The following MBL2 variants were observed in gnomAD, a reference collection of about 807,000 sequenced individuals.
MBL2 encodes mannose binding lectin 2.
In MBL2, 6 loss-of-function variants were observed where a neutral mutation model predicts 12.7. That is an observed-to-expected ratio of 0.47 (90% CI 0.26 to 0.94). The LOEUF (loss-of-function observed/expected upper bound fraction) is 0.94, where lower values mean the gene tolerates loss of function less well. MBL2 is among the 40% of genes least tolerant of loss of function. MBL2 has a pLI of 0.15. For missense variants in MBL2, 307 were observed against 295.2 expected (o/e 1.04, Z -0.29); for synonymous variants, 114 against 112.0 (o/e 1.02, Z -0.11).
At chr10:52,771,929 G>T (rs72661130) in intron 1 of MBL2, among the ~76,000 whole-genome samples, 46 of 152,284 alleles carry the variant, frequency 3.0e-4, no homozygotes, top group Admixed American at 1.9e-3. Flanking sequence ...GCTTTCGGTG[G>T]CAGTGAGAAC....
intron 2 of MBL2, 69 bp from the exon 3 acceptor site, chr10:52,770,855 C>G (rs1840380109): frequency 1.2e-6 from 1 of 836,118 alleles, no homozygotes; most frequent in Admixed American, 3.0e-5. Context: ...GAGTTTGATG[C>G]CCAATCCCTT....
chr10:52,769,035 C>T (rs538681654), intron 4 of MBL2, among the ~76,000 whole-genome samples: 10 of 152,088 alleles, frequency 6.6e-5, no homozygotes, highest in African/African-American at 2.4e-4. Context: ...ATCTATAAAC[C>T]ACCCCTGCCA....
In MBL2 at chr10:52,766,627, A is replaced by G. The variant is rs1840308587; in HGVS notation, c.*1510T>C. On this transcript the variant is annotated 3_prime_UTR_variant, in exon 5 of 5. Transcript: ENST00000674931. ...TGGGATGGGCAAAAATTTCTTAAAC[A>G]TGACACAAAAAGCACTAATTTTGAA... 6.6e-6 allele frequency: 1 copy of G among 152,162 alleles called. No individual in the cohort carries two copies. The allele number at this position is 152,162 out of a possible 1,614,324, so 9.4% of individuals were successfully genotyped here. A position where few individuals can be genotyped will look rare whatever the true frequency, so the allele number is the denominator to read the frequency against.
chr10:52,765,801 A>C lies in MBL2; in HGVS notation c.*2336T>G, dbSNP rs1429168516. 1 of 152,158 alleles carries C rather than the reference A, an allele frequency of 6.6e-6. No individual in the cohort carries two copies. Among genetic ancestry groups the C allele is most frequent in the African/African-American group, 2.4e-5 (1 of 41,448 alleles). The allele number at this position is 152,158 out of a possible 1,614,324, so 9.4% of individuals were successfully genotyped here. A position where few individuals can be genotyped will look rare whatever the true frequency, so the allele number is the denominator to read the frequency against. ...TAACCAGTGCAATAAGGTAAGAAAA[A>C]AGGTAAAGCAATTGGGAAGAAGCAA... On this transcript the variant is annotated 3_prime_UTR_variant, in exon 5 of 5. Coordinates refer to ENST00000674931, the MANE Select transcript of MBL2 (RefSeq NM_001378373.1).
chr10:52,769,305 ACTATCACCAT>A lies in MBL2; in HGVS notation c.305_314del (p.Asp102ValfsTer36). 6.2e-7 allele frequency: 1 copy of A among 1,609,940 alleles called. No individual in the cohort carries two copies. Among genetic ancestry groups the A allele is most frequent in the African/African-American group, 1.3e-5 (1 of 74,426 alleles). ...CTTTTCTTTCTGAGGCAGCCAGGCTACTATCACCATCTAGAAAATTAGAACAAAGTAAAGA... is the reference window on the plus strand; with the variant it reads ...CTTTTCTTTCTGAGGCAGCCAGGCTACTAGAAAATTAGAACAAAGTAAAGA... On this transcript the variant is annotated frameshift_variant and splice_region_variant, in exon 4 of 5. Transcript: ENST00000674931. LOFTEE classifies it high-confidence loss of function.
rs1238605892 is a variant in MBL2 at position 52,767,502 on chromosome 10, G to T, written c.*635C>A. On this transcript the variant is annotated 3_prime_UTR_variant, in exon 5 of 5. Transcript: ENST00000674931. Reference sequence around the variant, plus strand: ...TTAGTACTAGGAGGAGTTATAACGGGGCTTCTAGGGAGTCAAAAATGTCCC... The same window carrying T: ...TTAGTACTAGGAGGAGTTATAACGGTGCTTCTAGGGAGTCAAAAATGTCCC... 6.6e-6 allele frequency: 1 copy of T among 151,850 alleles called. No homozygotes were observed. The highest frequency in any genetic ancestry group is 1.5e-5 in the Non-Finnish European group (1 of 68,006). 9.4% of individuals were successfully genotyped at this position (151,850 alleles called of 1,614,324 possible).
intron 3 of MBL2, among the ~76,000 whole-genome samples, chr10:52,769,776 T>C (rs1840363726): frequency 6.6e-6 from 1 of 152,212 alleles, no homozygotes; most frequent in South Asian, 2.1e-4. Flanking sequence ...TTTTTCCAGG[T>C]TTGTTCTGTT....
chr10:52,766,383 A>G lies in MBL2; in HGVS notation c.*1754T>C, dbSNP rs1840304603. On this transcript the variant is annotated 3_prime_UTR_variant, in exon 5 of 5. Coordinates refer to ENST00000674931, the MANE Select transcript of MBL2 (RefSeq NM_001378373.1). ...AGCCCAGAAACAGACACACACACATACAGTTACCTAACTTACAAAAATGCA... is the reference window on the plus strand; with the variant it reads ...AGCCCAGAAACAGACACACACACATGCAGTTACCTAACTTACAAAAATGCA... 1 of 152,180 alleles carries G rather than the reference A, an allele frequency of 6.6e-6. No individual in the cohort carries two copies. Among genetic ancestry groups the G allele is most frequent in the Non-Finnish European group, 1.5e-5 (1 of 68,034 alleles). The allele number at this position is 152,180 out of a possible 1,614,324, so 9.4% of individuals were successfully genotyped here. A position where few individuals can be genotyped will look rare whatever the true frequency, so the allele number is the denominator to read the frequency against.
intron 1 of MBL2, 90 bp from the exon 2 acceptor site, chr10:52,771,734 G>A (rs1564436810): frequency 3.4e-6 from 5 of 1,474,608 alleles, no homozygotes; most frequent in South Asian, 1.4e-5. Flanking sequence ...CTGGGTGCAG[G>A]CTATATAGAA....
chr10:52,768,113 G>A lies in MBL2; in HGVS notation c.*24C>T. The A allele has an allele frequency of 6.4e-7, 1 of 1,564,598 alleles. No homozygotes were observed. The highest frequency in any genetic ancestry group is 8.7e-7 in the Non-Finnish European group (1 of 1,155,202). On this transcript the variant is annotated 3_prime_UTR_variant, in exon 5 of 5. Coordinates refer to ENST00000674931, the MANE Select transcript of MBL2 (RefSeq NM_001378373.1). ...CCTGTGGGTTGCAGTAAAAAGACAAGGAGGGCCTGAGTGATATGACCCTTC... is the reference window on the plus strand; with the variant it reads ...CCTGTGGGTTGCAGTAAAAAGACAAAGAGGGCCTGAGTGATATGACCCTTC...
At chr10:52,770,007 G>C (rs1197604268) in intron 3 of MBL2, among the ~76,000 whole-genome samples, 1 of 152,210 alleles carries the variant, frequency 6.6e-6, no homozygotes, top group East Asian at 1.9e-4. Flanking sequence ...GAGTCTTCAA[G>C]AAGCCTAAAG....
At position 52,771,543 on chromosome 10, in the gene MBL2, G is replaced by A; in HGVS notation, c.93C>T (p.Thr31=). The A allele has an allele frequency of 6.2e-7, 1 of 1,613,936 alleles. No individual in the cohort carries two copies. ...ETVTCEDAQK[T]CPAVIACSSP... ...AGCTACAGGCAATCACTGCAGGGCAGGTCTTTTGGGCATCCTCACAGGTCA... is the reference window on the plus strand; with the variant it reads ...AGCTACAGGCAATCACTGCAGGGCAAGTCTTTTGGGCATCCTCACAGGTCA... The change falls in exon 2 of 5, where the codon ACC becomes ACT. Residue 31 remains threonine, a synonymous_variant. Coordinates refer to ENST00000674931, the MANE Select transcript of MBL2 (RefSeq NM_001378373.1).
intron 1 of MBL2, among the ~76,000 whole-genome samples, chr10:52,771,856 A>G (rs922161832): frequency 3.3e-5 from 5 of 152,150 alleles, no homozygotes; most frequent in African/African-American, 4.8e-5. Flanking sequence ...AGCAGTGGGG[A>G]TCCTAAGGAG....
chr10:52,771,423 C>T, intron 2 of MBL2, 26 bp downstream of exon 2: 1 of 1,607,646 alleles, frequency 6.2e-7, no homozygotes, highest in Non-Finnish European at 8.5e-7. Flanking sequence ...TAAAGAATTG[C>T]AGAGACAGAA....
Position 52,768,506 on chromosome 10 carries a change from G to C in MBL2, c.378C>G (p.Leu126=), listed in dbSNP as rs930507. ...QTEMARIKKW[L]TFSLGKQVGN... ...CAACTTGTTTGCCCAGAGAGAAGGT[G>C]AGCCCTAAAATGTGAAAAAGTGGGT... is the stretch of plus-strand genomic sequence containing the variant. Residue 126 remains leucine, a synonymous_variant, in exon 5 of 5, where the codon CTC becomes CTG. Transcript: ENST00000674931. 1,266,136 of 1,551,782 alleles carry C rather than the reference G, an allele frequency of 0.82. 518,861 individuals are homozygous for C. The highest frequency in any genetic ancestry group is 0.87 in the Admixed American group (45,223 of 51,948).
In MBL2 at chr10:52,770,739, GA is replaced by G; in HGVS notation, c.234del (p.Pro79GlnfsTer62). 6.6e-7 allele frequency: 1 copy of G among 1,522,178 alleles called. No homozygotes were observed. The highest frequency in any genetic ancestry group is 8.9e-7 in the Non-Finnish European group (1 of 1,127,590). The allele number at this position is 1,522,178 out of a possible 1,614,324, so 94.3% of individuals were successfully genotyped here. On this transcript the variant is annotated frameshift_variant, in exon 3 of 5. Transcript: ENST00000674931. LOFTEE classifies it high-confidence loss of function. ...GLQGPPGKLG[P>X]PGNPGPSGSP... The stretch of plus-strand genomic sequence containing the variant: ...GACCCAGAAGGCCCTGGATTTCCTG[GA>G]GGCCCCAACTTTCCAGGGGGGCCCT...
chr10:52,771,424 A>G, intron 2 of MBL2, 25 bp downstream of exon 2: 1 of 1,608,104 alleles, frequency 6.2e-7, no homozygotes, highest in Non-Finnish European at 8.5e-7. Context: ...AAAGAATTGC[A>G]GAGACAGAAC....
intron 4 of MBL2, 87 bp downstream of exon 4, chr10:52,769,160 A>G (rs1005997977): frequency 2.3e-6 from 2 of 863,762 alleles, no homozygotes; most frequent in African/African-American, 3.4e-5. Flanking sequence ...AGCAGGGTAC[A>G]GAAAATTATA....
chr10:52,772,413 T>G (rs1427019594), intron 1 of MBL2, among the ~76,000 whole-genome samples: 1 of 152,142 alleles, frequency 6.6e-6, no homozygotes, highest in Non-Finnish European at 1.5e-5. Flanking sequence ...CTCCTCCCAT[T>G]TCTCAGTATT....
Sources: gnomAD v4.1 joint callset for allele counts (sites outside exome capture counted in the v4.1 genomes callset) on GRCh38, gnomAD v4.1.1 for gene constraint, MANE v1.5 for transcripts, NCBI Gene and HGNC (gene_info 2026-07-23, HGNC 2026-07-21) for gene names.